LBR: variants seen among roughly 807,000 people sequenced by gnomAD.
LBR encodes lamin B receptor.
In LBR, 28 loss-of-function variants were observed where a neutral mutation model predicts 74.3. The observed-to-expected ratio is 0.38, with a 90% confidence interval of 0.28 to 0.52. The LOEUF is 0.52. Among genes scored for constraint, LBR ranks in the 20% least tolerant of loss-of-function variants. LBR has a pLI of 0.89. For missense variants in LBR, 717 were observed against 760.3 expected, an observed-to-expected ratio of 0.94 and a Z score of 0.67; for synonymous variants, 228 against 269.3, an observed-to-expected ratio of 0.85 and a Z score of 1.50.
intron 7 of LBR, chr1:225,414,038 A>G (rs1421072342): frequency 2.2e-6 from 1 of 456,694 alleles, no homozygotes; most frequent in South Asian, 1.5e-5. Context: ...CTCACCCCAG[A>G]CTCACCTTCC....
intron 13 of LBR, among the ~76,000 whole-genome samples, chr1:225,404,108 G>A (rs1227187376): frequency 1.3e-5 from 2 of 151,924 alleles, no homozygotes; most frequent in Non-Finnish European, 2.9e-5. Context: ...TATGTACACT[G>A]AATCATGAAT....
intron 10 of LBR, among the ~76,000 whole-genome samples, chr1:225,408,447 G>A (rs1348008822): frequency 2.0e-5 from 3 of 152,206 alleles, no homozygotes; most frequent in African/African-American, 4.8e-5. Flanking sequence ...ACCCAATGCC[G>A]GGTAGGGGGA....
intron 6 of LBR, among the ~76,000 whole-genome samples, chr1:225,416,473 A>C (rs568437679): frequency 6.6e-5 from 10 of 152,342 alleles, no homozygotes; most frequent in Non-Finnish European, 1.5e-4. Flanking sequence ...ACTTTATCTT[A>C]TCATTAGCTA....
chr1:225,418,741 G>A (rs2096122071), intron 5 of LBR, among the ~76,000 whole-genome samples: 2 of 152,132 alleles, frequency 1.3e-5, no homozygotes, highest in African/African-American at 2.4e-5. Flanking sequence ...TCTTTTACTA[G>A]CTCATAAAAT....
intron 7 of LBR, chr1:225,414,080 G>A (rs1310003512): frequency 2.2e-6 from 1 of 456,744 alleles, no homozygotes; most frequent in Admixed American, 2.3e-5. Flanking sequence ...CAGAGGGAGG[G>A]AGGGTGCCAA....
intron 10 of LBR, among the ~76,000 whole-genome samples, chr1:225,408,692 T>C (rs997454173): frequency 2.0e-5 from 3 of 152,274 alleles, no homozygotes; most frequent in African/African-American, 7.2e-5. Flanking sequence ...AAGAAGCTTA[T>C]TATCATCTGG....
intron 10 of LBR, among the ~76,000 whole-genome samples, chr1:225,409,157 A>G (rs1410388471): frequency 2.1e-5 from 2 of 94,946 alleles, no homozygotes; most frequent in African/African-American, 5.5e-5. Flanking sequence ...GAATTTTTAA[A>G]GTCAATTTGA....
chr1:225,403,387 C>T lies in LBR; in HGVS notation c.1764G>A (p.Glu588=), dbSNP rs778072559. 76 of 1,613,130 alleles carry T rather than the reference C, an allele frequency of 4.7e-5. No homozygotes were observed. Among genetic ancestry groups the T allele is most frequent in the Non-Finnish European group, 5.8e-5 (69 of 1,179,704 alleles). Residue 588 remains glutamate, a synonymous_variant, in exon 14 of 14, where the codon GAG becomes GAA. Coordinates refer to ENST00000272163, the MANE Select transcript of LBR (RefSeq NM_002296.4). The part of the protein sequence containing the change: ...MLLVHREARD[E]YHCKKKYGVA... ...CGCCGTATTTCTTCTTACAGTGGTA[C>T]TCGTCACGAGCTTCTCGGTGGACAA...
At chr1:225,423,860 T>G in intron 2 of LBR, 51 bp downstream of exon 2, 1 of 1,532,704 alleles carries the variant, frequency 6.5e-7, no homozygotes, top group Non-Finnish European at 9.0e-7. Flanking sequence ...ATACTTAGAG[T>G]TATTTCCCAC....
At chr1:225,418,327 C>T (rs2096121306) in intron 5 of LBR, 147 bp from the exon 6 acceptor site, 1 of 778,712 alleles carries the variant, frequency 1.3e-6, no homozygotes, top group African/African-American at 1.7e-5. Context: ...ACTCCCATCT[C>T]TACCTGTCAC....
Position 225,406,686 on chromosome 1 carries a change from A to G in LBR, c.1461T>C (p.Ala487=), listed in dbSNP as rs2096092387. Residue 487 remains alanine (A), a synonymous_variant, in exon 11 of 14, where the codon GCT becomes GCC. Coordinates refer to ENST00000272163, the MANE Select transcript of LBR (RefSeq NM_002296.4). The part of the protein sequence containing the change: ...SHPNEVSWPM[A]SLIIVLKLCG... ...CACGTTTCAGAACAATAATTAGAGA[A>G]GCCATTGGCCAAGACACTTCATTTG... is the stretch of plus-strand genomic sequence containing the variant. 8 of 1,611,960 alleles carry G rather than the reference A, an allele frequency of 5.0e-6. No individual in the cohort carries two copies. In the East Asian group the frequency reaches 1.8e-4, roughly 36 times the overall value.
intron 10 of LBR, among the ~76,000 whole-genome samples, chr1:225,409,475 G>A (rs1010575024): frequency 2.6e-4 from 39 of 152,172 alleles, no homozygotes; most frequent in African/African-American, 9.2e-4. Context: ...TTTTTTTAAT[G>A]TTCCAGGCTC....
At chr1:225,406,900 G>C in intron 10 of LBR, 68 bp from the exon 11 acceptor site, 1 of 1,487,902 alleles carries the variant, frequency 6.7e-7, no homozygotes, top group Non-Finnish European at 9.3e-7. Flanking sequence ...TAAAGTACTA[G>C]TTTACAGGCA....
intron 2 of LBR, chr1:225,422,547 C>T (rs2096129750): frequency 4.6e-6 from 2 of 433,440 alleles, no homozygotes; most frequent in East Asian, 4.6e-5. Context: ...ATTAGCTGTA[C>T]TTATTTCCAA....
At chr1:225,427,280 T>C (rs1192387428) in intron 1 of LBR, 2 of 152,108 alleles carry the variant, frequency 1.3e-5, no homozygotes, top group Admixed American at 1.3e-4. Flanking sequence ...CTCAAAAAGG[T>C]GAAAAAGCAG....
intron 7 of LBR, chr1:225,413,932 A>C (rs1227456936): frequency 4.4e-6 from 2 of 456,808 alleles, no homozygotes; most frequent in African/African-American, 2.0e-5. Context: ...GGAAGTGAAA[A>C]TATAACACAA....
chr1:225,402,331 G>A lies in LBR; in HGVS notation c.*972C>T, dbSNP rs557222889. On this transcript the variant is annotated 3_prime_UTR_variant, in exon 14 of 14. Coordinates refer to ENST00000272163, the MANE Select transcript of LBR (RefSeq NM_002296.4). ...CTGAAATGGCAAATTTTCAAACACC[G>A]ATCTGTGTAAAAATGTTTAAATATT... 9 of 152,136 alleles carry A rather than the reference G, an allele frequency of 5.9e-5. No individual in the cohort carries two copies. Among genetic ancestry groups the A allele is most frequent in the African/African-American group, 1.7e-4 (7 of 41,528 alleles). 9.4% of individuals were successfully genotyped at this position (152,136 alleles called of 1,614,324 possible). A position where few individuals can be genotyped will look rare whatever the true frequency, so the allele number is the denominator to read the frequency against.
rs931197179 is a variant in LBR, at chr1:225,421,767, T to C, written c.366+310A>G. 2.0e-5 allele frequency among the ~76,000 whole-genome samples: 3 copies of C among 152,256 alleles called. No individual in the cohort carries two copies. In the South Asian group the frequency reaches 6.2e-4, roughly 31 times the overall value. On this transcript the variant is annotated intron_variant, in intron 3 of 13. Coordinates refer to ENST00000272163, the MANE Select transcript of LBR (RefSeq NM_002296.4). Reference sequence around the variant, plus strand: ...CAGGTTTGTCTTACCATTTCATACATGATATGAACTTTTATACACTGTAAA... The same window carrying C: ...CAGGTTTGTCTTACCATTTCATACACGATATGAACTTTTATACACTGTAAA...
In LBR at chr1:225,410,395, GC is replaced by G; in HGVS notation, c.1209del (p.Met403IlefsTer6). The part of the protein sequence containing the change: ...LIGWVVINLV[M>X]LLAEMKIQDR... ...TCCTGTATTTTCATTTCAGCCAAAA[GC>G]ATCACCAAGTTAATAACCACCTGAA... On this transcript the variant is annotated frameshift_variant, in exon 10 of 14. Transcript: ENST00000272163. LOFTEE classifies it high-confidence loss of function. 6.2e-7 allele frequency: 1 copy of G among 1,614,122 alleles called. No homozygotes were observed. The highest frequency in any genetic ancestry group is 8.5e-7 in the Non-Finnish European group (1 of 1,180,030).
Sources: allele counts gnomAD v4.1 joint callset (sites outside exome capture counted in the v4.1 genomes callset), GRCh38; gene constraint gnomAD v4.1.1; transcripts MANE v1.5; gene names NCBI Gene and HGNC (gene_info 2026-07-23, HGNC 2026-07-21).